Variants in LDLRAD3 observed in about 807,000 individuals in gnomAD.
LDLRAD3 encodes low-density lipoprotein receptor class A domain-containing protein 3.
In LDLRAD3, 20 loss-of-function variants were observed where a neutral mutation model predicts 29.4. That is an observed-to-expected ratio of 0.68 (90% CI 0.48 to 0.99). The LOEUF (loss-of-function observed/expected upper bound fraction) is 0.99. Among genes scored for constraint, LDLRAD3 ranks in the 50% least tolerant of loss-of-function variants. LDLRAD3 has a pLI of 0.00. For synonymous variants in LDLRAD3, 157 were observed against 192.7 expected, an observed-to-expected ratio of 0.81 and a Z score of 1.53; for missense variants, 420 against 454.3, an observed-to-expected ratio of 0.92 and a Z score of 0.69.
intron 4 of LDLRAD3, among the ~76,000 whole-genome samples, chr11:36,188,472 G>A (rs1854890112): frequency 6.6e-6 from 1 of 151,496 alleles, no homozygotes; most frequent in Non-Finnish European, 1.5e-5. Context: ...TTCTAAGCTG[G>A]CACTCAGGAG....
At chr11:36,107,605 T>C (rs1853547370) in intron 4 of LDLRAD3, among the ~76,000 whole-genome samples, 1 of 152,202 alleles carries the variant, frequency 6.6e-6, no homozygotes, top group South Asian at 2.1e-4. Flanking sequence ...TTTACTGTAT[T>C]TTTTTATGTT....
At chr11:36,161,769 A>T (rs1184796035) in intron 4 of LDLRAD3, among the ~76,000 whole-genome samples, 1 of 152,228 alleles carries the variant, frequency 6.6e-6, no homozygotes, top group African/African-American at 2.4e-5. Context: ...CTCCCAGCTT[A>T]CAAGATGACT....
chr11:35,951,096 T>TA (rs779266584), intron 1 of LDLRAD3, among the ~76,000 whole-genome samples: 30 of 150,960 alleles, frequency 2.0e-4, no homozygotes, highest in Admixed American at 6.0e-4. Flanking sequence ...AATAAAAAAT[T>TA]AAAAAAAAAT....
At position 36,073,459 on chromosome 11, in the gene LDLRAD3, A is replaced by G. The variant is rs1473628648; in HGVS notation, c.194-8194A>G. ...GGGCGCTGCTGAGTTCTACGAGGAA[A>G]TCTCCCCTTTGTGGAAATAGGGGGT... On this transcript the variant is annotated intron_variant, in intron 2 of 5. Coordinates refer to ENST00000315571, the MANE Select transcript of LDLRAD3 (RefSeq NM_174902.4). 1.7e-4 allele frequency among the ~76,000 whole-genome samples: 26 copies of G among 152,208 alleles called. 1 individual carries two copies. Among genetic ancestry groups the G allele is most frequent in the Admixed American group, 1.7e-3 (26 of 15,284 alleles).
intron 3 of LDLRAD3, among the ~76,000 whole-genome samples, chr11:36,084,667 A>G (rs951072344): frequency 4.2e-4 from 64 of 152,332 alleles, no homozygotes; most frequent in African/African-American, 1.4e-3. Flanking sequence ...AAATTAGAGT[A>G]TCTTCATTTT....
intron 4 of LDLRAD3, among the ~76,000 whole-genome samples, chr11:36,195,320 C>T (rs1427594513): frequency 6.6e-6 from 1 of 152,096 alleles, no homozygotes; most frequent in Non-Finnish European, 1.5e-5. Flanking sequence ...ACTATGTTGG[C>T]ATTGCACATA....
chr11:36,097,659 A>G (rs12791917), intron 3 of LDLRAD3, among the ~76,000 whole-genome samples: 31,970 of 152,140 alleles, frequency 0.21, 3,898 homozygotes, highest in Middle Eastern at 0.28. Context: ...GTGGGTTAAA[A>G]GATACAAACA....
chr11:35,966,641 C>T (rs771695129), intron 1 of LDLRAD3, among the ~76,000 whole-genome samples: 22 of 142,004 alleles, frequency 1.5e-4, no homozygotes, highest in Non-Finnish European at 3.0e-4. Context: ...TTTCCTTGAA[C>T]CTTCTCCATC....
intron 1 of LDLRAD3, among the ~76,000 whole-genome samples, chr11:36,005,824 A>C (rs1246056403): frequency 6.6e-6 from 1 of 152,290 alleles, no homozygotes; most frequent in East Asian, 1.9e-4. Context: ...GCAGAAGGTG[A>C]AGGGAAAGCA....
chr11:36,212,781 C>G lies in LDLRAD3; in HGVS notation c.455-14304C>G, dbSNP rs114226068. 5.3e-3 allele frequency among the ~76,000 whole-genome samples: 811 copies of G among 152,156 alleles called. 9 individuals carry two copies. Among genetic ancestry groups the G allele is most frequent in the African/African-American group, 0.018 (737 of 41,514 alleles). On this transcript the variant is annotated intron_variant, in intron 4 of 5. Coordinates refer to ENST00000315571, the MANE Select transcript of LDLRAD3 (RefSeq NM_174902.4). ...CTCTGGGACTGCTGGGGGCTTTCCT[C>G]CATTCTAAGAAACTCTCTGGGGTGA...
chr11:36,002,289 C>T (rs533732466), intron 1 of LDLRAD3, among the ~76,000 whole-genome samples: 1 of 152,342 alleles, frequency 6.6e-6, no homozygotes, highest in Admixed American at 6.5e-5. Context: ...AGAAATTCCA[C>T]ATCCCTTTGT....
At chr11:36,061,553 T>G (rs1852700630) in intron 2 of LDLRAD3, among the ~76,000 whole-genome samples, 1 of 152,232 alleles carries the variant, frequency 6.6e-6, no homozygotes, top group African/African-American at 2.4e-5. Context: ...GAGCTGCTAA[T>G]TGATACTACT....
intron 2 of LDLRAD3, among the ~76,000 whole-genome samples, chr11:36,055,290 A>G (rs1011815113): frequency 1.3e-5 from 2 of 150,864 alleles, no homozygotes; most frequent in African/African-American, 4.9e-5. Flanking sequence ...TATTCTCTCA[A>G]CTTTTCTCCT....
chr11:36,141,473 G>A (rs893201201), intron 4 of LDLRAD3, among the ~76,000 whole-genome samples: 49 of 152,168 alleles, frequency 3.2e-4, no homozygotes, highest in African/African-American at 1.2e-3. Context: ...GGAGACAGCT[G>A]CCTGAATGGA....
At chr11:36,229,078 G>A (rs1051313863) in intron 5 of LDLRAD3, 82 bp from the exon 6 acceptor site, 3 of 914,460 alleles carry the variant, frequency 3.3e-6, no homozygotes, top group African/African-American at 1.6e-5. Flanking sequence ...GAAATGGGCT[G>A]AAGTTGGCTT....
At chr11:36,171,958 G>T (rs1479053055) in intron 4 of LDLRAD3, among the ~76,000 whole-genome samples, 1 of 152,190 alleles carries the variant, frequency 6.6e-6, no homozygotes, top group South Asian at 2.1e-4. Context: ...AGCATAGGGT[G>T]TGTTTCCATT....
At chr11:35,950,311 G>A (rs1056843061) in intron 1 of LDLRAD3, among the ~76,000 whole-genome samples, 8 of 152,318 alleles carry the variant, frequency 5.3e-5, no homozygotes, top group African/African-American at 1.9e-4. Flanking sequence ...TTTAATCAAT[G>A]TGTCATTCTT....
intron 3 of LDLRAD3, among the ~76,000 whole-genome samples, chr11:36,085,769 G>T (rs558809132): frequency 6.6e-6 from 1 of 151,804 alleles, no homozygotes; most frequent in Admixed American, 6.6e-5. Context: ...GCACCACCAT[G>T]CCTGGCTAAT....
intron 4 of LDLRAD3, among the ~76,000 whole-genome samples, chr11:36,108,182 T>C (rs1853556468): frequency 6.6e-6 from 1 of 151,190 alleles, no homozygotes; most frequent in South Asian, 2.1e-4. Flanking sequence ...TAGCTGGGCG[T>C]GGTGGTGGGT....
Sources: gnomAD v4.1 joint callset for allele counts (sites outside exome capture counted in the v4.1 genomes callset) on GRCh38, gnomAD v4.1.1 for gene constraint, MANE v1.5 for transcripts, NCBI Gene and HGNC (gene_info 2026-07-23, HGNC 2026-07-21) for gene names.